Variants in MECR observed in about 807,000 individuals in gnomAD.
The protein encoded by MECR is enoyl-[acyl-carrier-protein] reductase, mitochondrial.
A neutral mutation model predicts 49.1 loss-of-function variants in MECR; 37 were observed. The ratio of observed to expected loss-of-function variants is 0.75; its 90% CI spans 0.58 to 0.99. MECR has a LOEUF of 0.99. Among genes scored for constraint, MECR ranks in the 50% least tolerant of loss-of-function variants. The probability of loss-of-function intolerance (pLI) is 0.00; values close to 1 mark genes in which losing one functional copy is unlikely to be tolerated. For synonymous variants in MECR, 198 were observed against 191.1 expected (o/e 1.04, Z -0.30); for missense variants, 470 against 479.6 (o/e 0.98, Z 0.19).
At chr1:29,178,642 G>A in the MECR span, among the ~76,000 whole-genome samples, 5 of 152,034 alleles carry the variant, frequency 3.3e-5, no homozygotes, top group East Asian at 1.9e-4. Flanking sequence ...AGGCCACCGC[G>A]CCCGGCCTCT....
rs1480275966 is a variant in MECR at position 29,195,964 on chromosome 1, T to G, written c.941A>C (p.Gln314Pro). The G allele has an allele frequency of 6.2e-7, 1 of 1,614,114 alleles. No individual in the cohort carries two copies. The highest frequency in any genetic ancestry group is 8.5e-7 in the Non-Finnish European group (1 of 1,180,052). The change falls in exon 9 of 10, where the codon CAG becomes CCG. Residue 314 changes from glutamine to proline, a missense_variant. Transcript: ENST00000263702. The part of the protein sequence containing the change: ...DLKLRGFWLS[Q>P]WKKDHSPDQF... ...ACCTGGACTGTGATCCTTCTTCCAC[T>G]GGGACAACCAAAAGCCTCGAAGTTT...
chr1:29,168,029 T>TTTTA, the MECR span, among the ~76,000 whole-genome samples: 43 of 141,192 alleles, frequency 3.0e-4, no homozygotes, highest in East Asian at 5.9e-3. Flanking sequence ...TTTTTTTTTT[T>TTTTA]AAAAAAAACA....
At chr1:29,176,518 A>G in the MECR span, among the ~76,000 whole-genome samples, 1 of 152,074 alleles carries the variant, frequency 6.6e-6, no homozygotes, top group Non-Finnish European at 1.5e-5. Flanking sequence ...AAAATACTGT[A>G]ACAGCTCATC....
At chr1:29,169,799 G>A in the MECR span, 1 of 152,132 alleles carries the variant, frequency 6.6e-6, no homozygotes, top group African/African-American at 2.4e-5. Flanking sequence ...ATAGTAGGGT[G>A]AGAAAAACAG....
the MECR span, among the ~76,000 whole-genome samples, chr1:29,182,382 T>C: frequency 6.6e-6 from 1 of 152,130 alleles, no homozygotes; most frequent in Non-Finnish European, 1.5e-5. Context: ...AATACGTACA[T>C]AAAGCACTTA....
At chr1:29,225,843 T>C (rs1681902288) in intron 1 of MECR, among the ~76,000 whole-genome samples, 1 of 152,082 alleles carries the variant, frequency 6.6e-6, no homozygotes, top group Admixed American at 6.5e-5. Context: ...GGGGCCCCAC[T>C]ACCTGCTCCT....
chr1:29,213,210 T>C (rs1054680939), intron 3 of MECR, among the ~76,000 whole-genome samples: 7 of 152,254 alleles, frequency 4.6e-5, no homozygotes, highest in Non-Finnish European at 1.0e-4. Flanking sequence ...CTCACCTTGA[T>C]AGGACCTTCA....
chr1:29,183,624 T>G, the MECR span, among the ~76,000 whole-genome samples: 1 of 152,228 alleles, frequency 6.6e-6, no homozygotes, highest in Admixed American at 6.5e-5. Flanking sequence ...TTTCTTCATA[T>G]GTTTGAGATA....
At chr1:29,230,647 G>C in intron 1 of MECR, 84 bp downstream of exon 1, 1 of 1,492,520 alleles carries the variant, frequency 6.7e-7, no homozygotes, top group South Asian at 1.2e-5. Context: ...CTCGGACCCT[G>C]TCCCTCTCTT....
intron 4 of MECR, 98 bp downstream of exon 4, chr1:29,206,664 A>T: frequency 7.0e-7 from 1 of 1,429,094 alleles, no homozygotes. Context: ...CCCCCTCAAA[A>T]CCTCCACCTT....
intron 7 of MECR, among the ~76,000 whole-genome samples, chr1:29,199,228 C>T (rs896264789): frequency 3.9e-5 from 6 of 152,010 alleles, no homozygotes; most frequent in Non-Finnish European, 7.4e-5. Context: ...GCTCAAGAAG[C>T]TTTTATTTTT....
Position 29,203,251 on chromosome 1 carries a change from G to A in MECR, c.551-18C>T. ...AGAATCCCCTGTGGAGCCAGGAAGAGAACCAAATCAAGCCCTGTATAGATC... is the reference window on the plus strand; with the variant it reads ...AGAATCCCCTGTGGAGCCAGGAAGAAAACCAAATCAAGCCCTGTATAGATC... On this transcript the variant is annotated intron_variant, in intron 4 of 9. Coordinates refer to ENST00000263702, the MANE Select transcript of MECR (RefSeq NM_016011.5). 1 of 1,551,782 alleles carries A rather than the reference G, an allele frequency of 6.4e-7. No individual in the cohort carries two copies. The highest frequency in any genetic ancestry group is 8.8e-7 in the Non-Finnish European group (1 of 1,140,932).
intron 1 of MECR, among the ~76,000 whole-genome samples, chr1:29,222,063 T>C (rs920058925): frequency 5.3e-5 from 8 of 152,184 alleles, no homozygotes; most frequent in African/African-American, 1.9e-4. Flanking sequence ...ACGCTGTGTG[T>C]GCTGAATTTT....
chr1:29,203,223 G>A lies in MECR; in HGVS notation c.561C>T (p.Val187=), dbSNP rs1286142222. The A allele has an allele frequency of 6.3e-7, 1 of 1,578,070 alleles. No homozygotes were observed. The highest frequency in any genetic ancestry group is 1.8e-5 in the Admixed American group (1 of 56,526). ...DFEQLQPGDS[V]IQNASNSGVG... The stretch of plus-strand genomic sequence containing the variant: ...CTCCGCTGTTGGATGCATTCTGGAT[G>A]ACAGAATCCCCTGTGGAGCCAGGAA... Residue 187 remains valine, a synonymous_variant, in exon 5 of 10, where the codon GTC becomes GTT. Coordinates refer to ENST00000263702, the MANE Select transcript of MECR (RefSeq NM_016011.5).
At chr1:29,215,954 G>T in intron 3 of MECR, 51 bp downstream of exon 3, 1 of 1,606,662 alleles carries the variant, frequency 6.2e-7, no homozygotes, top group South Asian at 1.1e-5. Context: ...CAGAGTGGGT[G>T]AAATAGGATC....
chr1:29,201,367 C>G lies in MECR; in HGVS notation c.756+576G>C. 1 of 531,736 alleles carries G rather than the reference C, an allele frequency of 1.9e-6. No homozygotes were observed. Among genetic ancestry groups the G allele is most frequent in the South Asian group, 1.4e-5 (1 of 71,106 alleles). 32.9% of individuals were successfully genotyped at this position (531,736 alleles called of 1,614,324 possible). A position where few individuals can be genotyped will look rare whatever the true frequency, so the allele number is the denominator to read the frequency against. ...AGTGAAAAGGGGCTGAGGGTCTGGTCACTTACTAGGCATGTTGTGGGGTGG... is the reference window on the plus strand; with the variant it reads ...AGTGAAAAGGGGCTGAGGGTCTGGTGACTTACTAGGCATGTTGTGGGGTGG... On this transcript the variant is annotated intron_variant, in intron 6 of 9. Transcript: ENST00000263702. The surrounding 1 kb of genome is among the most constrained non-coding windows in gnomAD (Gnocchi z 4.3).
chr1:29,197,156 T>A (rs1674209037), intron 7 of MECR, among the ~76,000 whole-genome samples: 1 of 152,156 alleles, frequency 6.6e-6, no homozygotes, highest in African/African-American at 2.4e-5. Flanking sequence ...ATCTAACCCA[T>A]CCAGTCAGGC....
intron 3 of MECR, among the ~76,000 whole-genome samples, chr1:29,214,194 T>A (rs1678752773): frequency 6.6e-6 from 1 of 151,340 alleles, no homozygotes; most frequent in African/African-American, 2.4e-5. Context: ...CCCGAGTAGC[T>A]GGGACTACAG....
the MECR span, among the ~76,000 whole-genome samples, chr1:29,175,775 T>C: frequency 3.8e-4 from 58 of 151,456 alleles, no homozygotes; most frequent in African/African-American, 1.3e-3. Flanking sequence ...GGTCTTTAAT[T>C]TTAACTATAC....
Sources: gnomAD v4.1 joint callset for allele counts (sites outside exome capture counted in the v4.1 genomes callset) on GRCh38, gnomAD v4.1.1 for gene constraint, Gnocchi (gnomAD v3.1) non-coding constraint, MANE v1.5 for transcripts, NCBI Gene and HGNC (gene_info 2026-07-23, HGNC 2026-07-21) for gene names.